Variants in PAPSS2 observed in about 807,000 individuals in gnomAD.
PAPSS2 encodes bifunctional 3'-phosphoadenosine 5'-phosphosulfate synthase 2.
A neutral mutation model predicts 66.5 loss-of-function variants in PAPSS2; 61 were observed. That is an observed-to-expected ratio of 0.92 (90% confidence interval 0.75 to 1.14). PAPSS2 has a LOEUF of 1.14. PAPSS2 is among the 50% of genes most tolerant of loss of function. The pLI, the probability that PAPSS2 is intolerant of heterozygous loss-of-function variation, is 0.00. For missense variants in PAPSS2, 708 were observed against 789.6 expected, an observed-to-expected ratio of 0.90 and a Z score of 1.24; for synonymous variants, 289 against 287.5, an observed-to-expected ratio of 1.01 and a Z score of -0.05.
intron 9 of PAPSS2, among the ~76,000 whole-genome samples, chr10:87,733,314 C>T (rs1046723081): frequency 1.3e-5 from 2 of 152,202 alleles, no homozygotes; most frequent in African/African-American, 2.4e-5. Context: ...GTGTGACATG[C>T]GCTCAAATGA....
chr10:87,743,177 C>T (rs560265554), intron 10 of PAPSS2, among the ~76,000 whole-genome samples, 196 bp from the exon 11 acceptor site: 1 of 146,466 alleles, frequency 6.8e-6, no homozygotes, highest in Admixed American at 7.0e-5. Context: ...ATCCTGGAGG[C>T]GGAGGTTGCA....
chr10:87,735,101 G>A (rs951904465), intron 9 of PAPSS2, among the ~76,000 whole-genome samples: 1 of 152,026 alleles, frequency 6.6e-6, no homozygotes, highest in African/African-American at 2.4e-5. Flanking sequence ...TCCTTTTGGC[G>A]CATCTAGTTC....
rs911131629 is a variant in PAPSS2 at position 87,722,511 on chromosome 10, T to G, written c.880+741T>G. ...AGGCTAACACAGAAGGCTTGAAAAT[T>G]ATTGAAAGCAAAAGAAAAATCATTC... On this transcript the variant is annotated intron_variant, in intron 8 of 12. Transcript: ENST00000456849. 1.1e-4 allele frequency among the ~76,000 whole-genome samples: 16 copies of G among 152,298 alleles called. No homozygotes were observed. In the East Asian group the frequency reaches 3.1e-3, roughly 29 times the overall value.
At chr10:87,676,092 C>T (rs924671313) in intron 1 of PAPSS2, among the ~76,000 whole-genome samples, 1 of 149,190 alleles carries the variant, frequency 6.7e-6, no homozygotes, top group African/African-American at 2.5e-5. Context: ...GTAGCTGGAA[C>T]GTTTAAAAGC....
chr10:87,714,151 CTA>C lies in PAPSS2; in HGVS notation c.492_493del (p.Tyr164Ter). Reference protein sequence around the residue: ...ICESRDVKGLYKRARAGEIKG... With the variant: ...ICESRDVKGLXKRARAGEIKG... Reference sequence around the variant, plus strand: ...GTGAAAGCAGAGACGTAAAAGGCCTCTATAAAAGGGCCAGAGCTGGGGAGATT... The same window carrying C: ...GTGAAAGCAGAGACGTAAAAGGCCTCTAAAAGGGCCAGAGCTGGGGAGATT... On this transcript the variant is annotated frameshift_variant, in exon 4 of 13. Coordinates refer to ENST00000456849, the MANE Select transcript of PAPSS2 (RefSeq NM_001015880.2). LOFTEE classifies it high-confidence loss of function. 1 of 1,613,836 alleles carries C rather than the reference CTA, an allele frequency of 6.2e-7. No individual in the cohort carries two copies. Among genetic ancestry groups the C allele is most frequent in the Non-Finnish European group, 8.5e-7 (1 of 1,179,930 alleles).
At chr10:87,731,326 A>G (rs1307844765) in intron 9 of PAPSS2, among the ~76,000 whole-genome samples, 2 of 152,230 alleles carry the variant, frequency 1.3e-5, no homozygotes, top group African/African-American at 4.8e-5. Flanking sequence ...GACTGCTCAA[A>G]AAAAGATTCA....
intron 1 of PAPSS2, among the ~76,000 whole-genome samples, chr10:87,676,765 G>T (rs1852952646): frequency 6.6e-6 from 1 of 151,082 alleles, no homozygotes; most frequent in African/African-American, 2.4e-5. Flanking sequence ...ACAGCTACTT[G>T]GCAGGCTGAG....
In PAPSS2 at chr10:87,713,310, G is replaced by C. The variant is rs201975813; in HGVS notation, c.381G>C (p.Lys127Asn). ...CCAGCTTTATTTCTCCATTCGCAAA[G>C]GTAAAAAAAAAAAAAAAAAAAAAAG... The part of the protein sequence containing the change: ...CITSFISPFA[K>N]DRENARKIHE... Residue 127 changes from lysine (K) to asparagine (N), a missense_variant and splice_region_variant, in exon 3 of 13, where the codon AAG (lysine) becomes AAC (asparagine). Coordinates refer to ENST00000456849, the MANE Select transcript of PAPSS2 (RefSeq NM_001015880.2). 4.7e-5 allele frequency: 20 copies of C among 428,440 alleles called. No homozygotes were observed. The highest frequency in any genetic ancestry group is 6.5e-5 in the Non-Finnish European group (20 of 308,920). The allele number at this position is 428,440 out of a possible 1,614,324, so 26.5% of individuals were successfully genotyped here. A position where few individuals can be genotyped will look rare whatever the true frequency, so the allele number is the denominator to read the frequency against.
intron 1 of PAPSS2, among the ~76,000 whole-genome samples, chr10:87,689,340 CAAAAAAAAA>C (rs58947357): frequency 2.0e-5 from 2 of 98,570 alleles, no homozygotes; most frequent in African/African-American, 8.1e-5. Flanking sequence ...AACTCCATCT[CAAAAAAAAA>C]AAAAAACAAA....
intron 1 of PAPSS2, among the ~76,000 whole-genome samples, chr10:87,697,578 C>T (rs1853250285): frequency 6.6e-6 from 1 of 152,166 alleles, no homozygotes; most frequent in African/African-American, 2.4e-5. Context: ...GGAAGAGCTG[C>T]CTCAAGCAAT....
chr10:87,688,040 G>C (rs140287488), intron 1 of PAPSS2, among the ~76,000 whole-genome samples: 1 of 151,926 alleles, frequency 6.6e-6, no homozygotes, highest in African/African-American at 2.4e-5. Flanking sequence ...TTTCTGTCAG[G>C]GTTGAATTTG....
chr10:87,731,339 T>C (rs1365864109), intron 9 of PAPSS2, among the ~76,000 whole-genome samples: 1 of 152,230 alleles, frequency 6.6e-6, no homozygotes. Context: ...AAGATTCATT[T>C]CAAAATATCA....
At chr10:87,693,149 G>C (rs969933618) in intron 1 of PAPSS2, among the ~76,000 whole-genome samples, 4 of 152,170 alleles carry the variant, frequency 2.6e-5, no homozygotes, top group African/African-American at 9.7e-5. Context: ...TTTGATGACT[G>C]GGTGGGAGAC....
intron 9 of PAPSS2, among the ~76,000 whole-genome samples, chr10:87,730,985 G>A (rs753259747): frequency 6.6e-6 from 1 of 152,234 alleles, no homozygotes; most frequent in Non-Finnish European, 1.5e-5. Context: ...ATTGATGTAG[G>A]TGGCTACACT....
rs531065175 is a variant in PAPSS2 at position 87,695,083 on chromosome 10, A to G, written c.28-14113A>G. On this transcript the variant is annotated intron_variant, in intron 1 of 12. Coordinates refer to ENST00000456849, the MANE Select transcript of PAPSS2 (RefSeq NM_001015880.2). The stretch of plus-strand genomic sequence containing the variant: ...AGGAGGGTCTAAGGAGTGAAATGCA[A>G]CGATGTCTTAGTCCATGCAGGCTGC... Among the ~76,000 whole-genome samples the G allele has an allele frequency of 4.6e-5, 7 of 152,362 alleles. No individual in the cohort carries two copies. The East Asian group carries it at 1.2e-3, about 25-fold the overall frequency.
At chr10:87,729,358 T>C (rs1182719600) in intron 9 of PAPSS2, among the ~76,000 whole-genome samples, 1 of 152,180 alleles carries the variant, frequency 6.6e-6, no homozygotes, top group Non-Finnish European at 1.5e-5. Context: ...GTGATTCTTA[T>C]GATATTTTAG....
intron 11 of PAPSS2, among the ~76,000 whole-genome samples, chr10:87,744,096 C>T (rs7090432): frequency 1.3e-5 from 2 of 149,622 alleles, no homozygotes; most frequent in Non-Finnish European, 3.0e-5. Flanking sequence ...AGCGAGACTT[C>T]GTCTCAAAAA....
chr10:87,730,607 T>G (rs1853716913), intron 9 of PAPSS2, among the ~76,000 whole-genome samples: 1 of 152,164 alleles, frequency 6.6e-6, no homozygotes, highest in African/African-American at 2.4e-5. Flanking sequence ...AAAGGCAGAT[T>G]TTTAGCTATT....
intron 1 of PAPSS2, among the ~76,000 whole-genome samples, chr10:87,691,136 T>C (rs1188708130): frequency 6.6e-6 from 1 of 152,148 alleles, no homozygotes; most frequent in South Asian, 2.1e-4. Flanking sequence ...TTTTAAATAT[T>C]TCCCATTCTT....
Sources: gnomAD v4.1 joint callset for allele counts (sites outside exome capture counted in the v4.1 genomes callset) on GRCh38, gnomAD v4.1.1 for gene constraint, MANE v1.5 for transcripts, NCBI Gene and HGNC (gene_info 2026-07-23, HGNC 2026-07-21) for gene names.